The following ELAVL2 variants were observed in gnomAD, a reference collection of about 807,000 sequenced individuals.
The protein encoded by ELAVL2 is ELAV-like protein 2.
A neutral mutation model predicts 34.6 loss-of-function variants in ELAVL2; 4 were observed. The ratio of observed to expected loss-of-function variants is 0.12; its 90% CI spans 0.06 to 0.26. ELAVL2 has a LOEUF of 0.26. Among genes scored for constraint, ELAVL2 ranks in the 10% least tolerant of loss-of-function variants. The probability of loss-of-function intolerance (pLI) is 1.00; values close to 1 mark genes in which losing one functional copy is unlikely to be tolerated. For missense variants in ELAVL2, 432 were observed against 442.8 expected (o/e 0.98, Z 0.22); for synonymous variants, 193 against 154.8 (o/e 1.25, Z -1.83).
intron 2 of ELAVL2, among the ~76,000 whole-genome samples, chr9:23,748,891 T>C (rs180908872): frequency 3.3e-5 from 5 of 152,176 alleles, no homozygotes; most frequent in African/African-American, 4.8e-5. Flanking sequence ...ATATCAAATG[T>C]TGTATGATTT....
At chr9:23,725,507 A>T (rs1038341834) in intron 3 of ELAVL2, among the ~76,000 whole-genome samples, 2 of 152,126 alleles carry the variant, frequency 1.3e-5, no homozygotes, top group African/African-American at 4.8e-5. Context: ...CTTTACTTAC[A>T]TTCCTGCCTG....
intron 1 of ELAVL2, among the ~76,000 whole-genome samples, chr9:23,770,381 A>G (rs2057090746): frequency 6.6e-6 from 1 of 152,178 alleles, no homozygotes; most frequent in African/African-American, 2.4e-5. Context: ...CTTCCCCTCA[A>G]TGTCTACATC....
chr9:23,692,364 T>C lies in ELAVL2; in HGVS notation c.*193A>G, dbSNP rs2033429523. 3.2e-6 allele frequency: 2 copies of C among 627,298 alleles called. No homozygotes were observed. The highest frequency in any genetic ancestry group is 5.3e-6 in the Non-Finnish European group (2 of 375,920). 38.9% of individuals were successfully genotyped at this position (627,298 alleles called of 1,614,324 possible). ...TGTACCTCTTGTCCATATTCAAACA[T>C]AAAAGATATTTAAGAAGTTTTAATT... On this transcript the variant is annotated 3_prime_UTR_variant, in exon 7 of 7. Coordinates refer to ENST00000397312, the MANE Select transcript of ELAVL2 (RefSeq NM_004432.5).
chr9:23,834,718 A>T, the ELAVL2 span, among the ~76,000 whole-genome samples: 1 of 152,014 alleles, frequency 6.6e-6, no homozygotes, highest in African/African-American at 2.4e-5. Flanking sequence ...ATATTCTCTC[A>T]CATTTCTAAT....
At position 23,704,939 on chromosome 9, in the gene ELAVL2, T is replaced by C. The variant is rs1358307500; in HGVS notation, c.466A>G (p.Ile156Val). Residue 156 changes from isoleucine to valine, a missense_variant, in exon 4 of 7, where the codon ATT becomes GTT. Physicochemically the swap from Ile to Val is conservative, Grantham distance 29 (BLOSUM62 3). Transcript: ENST00000397312. ...TTACCAGTGACCTGGTCGACAAGAA[T>C]ACGAGAAGTAATAATGCGTCCATAT... ...SQYGRIITSR[I>V]LVDQVTGISR... 5 of 1,614,070 alleles carry C rather than the reference T, an allele frequency of 3.1e-6. No homozygotes were observed. The highest frequency in any genetic ancestry group is 2.5e-6 in the Non-Finnish European group (3 of 1,179,978).
chr9:23,846,310 T>C, the ELAVL2 span, among the ~76,000 whole-genome samples: 1 of 151,906 alleles, frequency 6.6e-6, no homozygotes, highest in South Asian at 2.1e-4. Context: ...TAGAAGTTAA[T>C]TGATTAAGTA....
chr9:23,763,980 T>A (rs1439297875), intron 1 of ELAVL2, among the ~76,000 whole-genome samples: 2 of 152,152 alleles, frequency 1.3e-5, no homozygotes, highest in Non-Finnish European at 2.9e-5. Flanking sequence ...TCTTAAATAA[T>A]TCAAGATATG....
chr9:23,815,652 T>A (rs573242022), intron 1 of ELAVL2, among the ~76,000 whole-genome samples: 2 of 152,278 alleles, frequency 1.3e-5, no homozygotes, highest in East Asian at 3.9e-4. Context: ...GGTAAGATTT[T>A]ATACACAATC....
chr9:23,740,995 CAAA>C (rs946861190), intron 2 of ELAVL2, among the ~76,000 whole-genome samples: 4 of 152,116 alleles, frequency 2.6e-5, no homozygotes, highest in African/African-American at 7.2e-5. Context: ...CTAAGATGCT[CAAA>C]AATTTTAAGC....
At chr9:23,788,519 A>G (rs1176531542) in intron 1 of ELAVL2, among the ~76,000 whole-genome samples, 1 of 152,222 alleles carries the variant, frequency 6.6e-6, no homozygotes, top group African/African-American at 2.4e-5. Flanking sequence ...GGGCCCAGTA[A>G]GACATTAACA....
chr9:23,790,928 A>G (rs1046672977), intron 1 of ELAVL2, among the ~76,000 whole-genome samples: 9 of 152,320 alleles, frequency 5.9e-5, no homozygotes, highest in East Asian at 3.9e-4. Flanking sequence ...CAGAGTGCCT[A>G]GAGTCTCAGA....
In ELAVL2 at chr9:23,692,890, A is replaced by T; in HGVS notation, c.753-6T>A. 1.9e-6 allele frequency: 3 copies of T among 1,612,522 alleles called. No homozygotes were observed. The highest frequency in any genetic ancestry group is 1.3e-5 in the African/African-American group (1 of 74,992). ...CAATGGTCATTGGAGAAAACCTGCT[A>T]AACAGAATAGGAAATACACACATAC... On this transcript the variant is annotated splice_region_variant and splice_polypyrimidine_tract_variant and intron_variant, in intron 6 of 6. Coordinates refer to ENST00000397312, the MANE Select transcript of ELAVL2 (RefSeq NM_004432.5).
chr9:23,805,111 G>C (rs2062044518), intron 1 of ELAVL2, among the ~76,000 whole-genome samples: 1 of 152,144 alleles, frequency 6.6e-6, no homozygotes, highest in African/African-American at 2.4e-5. Context: ...GTGAAATTGA[G>C]ACTGAAGAAA....
chr9:23,730,931 C>A (rs796770753), intron 3 of ELAVL2, 91 bp downstream of exon 3: 5 of 1,222,846 alleles, frequency 4.1e-6, no homozygotes, highest in East Asian at 2.5e-5. Flanking sequence ...TTTATATGGG[C>A]CCAAAAGGAA....
intron 5 of ELAVL2, among the ~76,000 whole-genome samples, chr9:23,693,716 T>C (rs1336703683): frequency 1.3e-5 from 2 of 152,228 alleles, no homozygotes; most frequent in African/African-American, 4.8e-5. Flanking sequence ...TGGGACACAG[T>C]GACGGTCATC....
Position 23,747,913 on chromosome 9 carries a change from AT to A in ELAVL2, c.229+14092del, listed in dbSNP as rs569039012. On this transcript the variant is annotated intron_variant, in intron 2 of 6. Transcript: ENST00000397312. ...CAGGAGGCCAAGATATAAGACCTAA[AT>A]TTTTTTTTTTAAAAAAAGGACTGTT... 1.7e-3 allele frequency among the ~76,000 whole-genome samples: 252 copies of A among 149,916 alleles called. 1 individual carries two copies. The highest frequency in any genetic ancestry group is 2.6e-3 in the Non-Finnish European group (178 of 67,308).
intron 3 of ELAVL2, among the ~76,000 whole-genome samples, chr9:23,715,754 C>T (rs771076796): frequency 6.6e-6 from 1 of 151,984 alleles, no homozygotes; most frequent in Admixed American, 6.6e-5. Context: ...GTCTAGTATG[C>T]CTAAGACACT....
chr9:23,695,326 C>T (rs1233680557), intron 5 of ELAVL2, among the ~76,000 whole-genome samples: 4 of 152,146 alleles, frequency 2.6e-5, no homozygotes, highest in Non-Finnish European at 5.9e-5. Flanking sequence ...GCAGAGGCAC[C>T]TTATCAATTC....
At chr9:23,834,836 T>C in the ELAVL2 span, among the ~76,000 whole-genome samples, 1 of 152,084 alleles carries the variant, frequency 6.6e-6, no homozygotes, top group Non-Finnish European at 1.5e-5. Flanking sequence ...CATAAAAAGT[T>C]GTGGGTCTTC....
Sources: gnomAD v4.1 joint callset for allele counts (sites outside exome capture counted in the v4.1 genomes callset) on GRCh38, gnomAD v4.1.1 for gene constraint, MANE v1.5 for transcripts, NCBI Gene and HGNC (gene_info 2026-07-23, HGNC 2026-07-21) for gene names.